The following SHC3 variants were observed in gnomAD, a reference collection of about 807,000 sequenced individuals.
SHC3 encodes SHC adaptor protein 3.
SHC3 carries 15 observed loss-of-function variants against 60.4 expected under a neutral mutation model. The ratio of observed to expected loss-of-function variants is 0.25; its 90% CI spans 0.17 to 0.38. SHC3 has a LOEUF of 0.38. Among genes scored for constraint, SHC3 ranks in the 10% least tolerant of loss-of-function variants. The probability of loss-of-function intolerance (pLI) is 1.00; values close to 1 mark genes in which losing one functional copy is unlikely to be tolerated. For missense variants in SHC3, 677 were observed against 786.1 expected, an observed-to-expected ratio of 0.86 and a Z score of 1.66; for synonymous variants, 294 against 325.9, an observed-to-expected ratio of 0.90 and a Z score of 1.05.
In SHC3 at chr9:89,045,758, G is replaced by T; in HGVS notation, c.1189C>A (p.Pro397Thr). The change falls in exon 9 of 12, where the codon CCT becomes ACT. Residue 397 changes from proline to threonine, a missense_variant. By Grantham distance (38) the Pro-to-Thr change is conservative. Coordinates refer to ENST00000375835, the MANE Select transcript of SHC3 (RefSeq NM_016848.6). The stretch of plus-strand genomic sequence containing the variant: ...CCTTGCCTCTCACCTTGCCTTAAAG[G>T]TGTTTGCTGCCAGTCTTCGCCAAAA... ...DTFGEDWQQT[P>T]LRQGSSDIYS... 6.2e-7 allele frequency: 1 copy of T among 1,614,074 alleles called. No individual in the cohort carries two copies. The highest frequency in any genetic ancestry group is 8.5e-7 in the Non-Finnish European group (1 of 1,180,002).
At chr9:89,072,815 G>A (rs979182163) in intron 4 of SHC3, among the ~76,000 whole-genome samples, 1 of 152,144 alleles carries the variant, frequency 6.6e-6, no homozygotes, top group African/African-American at 2.4e-5. Context: ...GATTTATATA[G>A]CTATAATCAT....
intron 1 of SHC3, among the ~76,000 whole-genome samples, chr9:89,135,270 C>A (rs1023430315): frequency 1.3e-5 from 2 of 152,094 alleles, no homozygotes; most frequent in African/African-American, 4.8e-5. Flanking sequence ...AGTCCCTGTG[C>A]AGGGTTCCTG....
At chr9:89,084,732 G>C (rs150411905) in intron 2 of SHC3, among the ~76,000 whole-genome samples, 1 of 152,312 alleles carries the variant, frequency 6.6e-6, no homozygotes, top group African/African-American at 2.4e-5. Flanking sequence ...ATCAAGGGGA[G>C]AAATCCACAC....
In SHC3 at chr9:89,011,148, T is replaced by C. The variant is rs945643468; in HGVS notation, c.*2299A>G. ...AATATATAATCTGAGCTTAAAAATG[T>C]ATATTTTGAATTAATATTAAAAAGA... On this transcript the variant is annotated 3_prime_UTR_variant, in exon 12 of 12. Transcript: ENST00000375835. The C allele has an allele frequency of 6.6e-6, 1 of 152,238 alleles. No homozygotes were observed. Among genetic ancestry groups the C allele is most frequent in the African/African-American group, 2.4e-5 (1 of 41,470 alleles). 9.4% of individuals were successfully genotyped at this position (152,238 alleles called of 1,614,324 possible). A position where few individuals can be genotyped will look rare whatever the true frequency, so the allele number is the denominator to read the frequency against.
chr9:89,104,112 C>T (rs1342899782), intron 2 of SHC3, among the ~76,000 whole-genome samples: 1 of 152,044 alleles, frequency 6.6e-6, no homozygotes, highest in Non-Finnish European at 1.5e-5. Context: ...AAACCATTCT[C>T]AGTCACCAAG....
At chr9:89,177,809 T>G (rs558592574) in intron 1 of SHC3, among the ~76,000 whole-genome samples, 178 bp downstream of exon 1, 2 of 152,128 alleles carry the variant, frequency 1.3e-5, no homozygotes, top group Non-Finnish European at 2.9e-5. Flanking sequence ...AAAAGCGCAT[T>G]TGTAGTTCCC....
chr9:89,010,961 C>T lies in SHC3; in HGVS notation c.*2486G>A, dbSNP rs896538665. On this transcript the variant is annotated 3_prime_UTR_variant, in exon 12 of 12. Transcript: ENST00000375835. ...TCACTTTCCCCATGTGTCTGTGAGG[C>T]TCACAGGAATGGCCCACCACACAGT... 6.6e-6 allele frequency: 1 copy of T among 152,214 alleles called. No individual in the cohort carries two copies. The highest frequency in any genetic ancestry group is 6.5e-5 in the Admixed American group (1 of 15,286). 9.4% of individuals were successfully genotyped at this position (152,214 alleles called of 1,614,324 possible).
At chr9:89,169,556 A>T (rs775156751) in intron 1 of SHC3, among the ~76,000 whole-genome samples, 18 of 152,158 alleles carry the variant, frequency 1.2e-4, no homozygotes, top group Non-Finnish European at 2.2e-4. Flanking sequence ...CCACTGCGTG[A>T]GGAGGGCCTT....
At chr9:89,059,604 C>CA in intron 6 of SHC3, among the ~76,000 whole-genome samples, 1 of 84,116 alleles carries the variant, frequency 1.2e-5, no homozygotes, top group South Asian at 4.4e-4. Context: ...TGGTGTAGGA[C>CA]GTGGTGCAGG....
chr9:89,137,218 A>G (rs1259882230), intron 1 of SHC3, among the ~76,000 whole-genome samples: 4 of 152,172 alleles, frequency 2.6e-5, no homozygotes, highest in African/African-American at 9.6e-5. Flanking sequence ...AAACCATGTC[A>G]TGGAGATACC....
At chr9:89,097,243 A>G (rs1825718288) in intron 2 of SHC3, among the ~76,000 whole-genome samples, 1 of 152,218 alleles carries the variant, frequency 6.6e-6, no homozygotes, top group South Asian at 2.1e-4. Context: ...TAACTAAATT[A>G]TAGGAAATTA....
chr9:89,155,435 G>A (rs116334200), intron 1 of SHC3, among the ~76,000 whole-genome samples: 35 of 152,252 alleles, frequency 2.3e-4, no homozygotes, highest in African/African-American at 8.4e-4. Context: ...GGTCTTGGGG[G>A]TCTCAGCTCC....
intron 1 of SHC3, among the ~76,000 whole-genome samples, chr9:89,115,958 A>C (rs1047298853): frequency 9.2e-5 from 14 of 152,200 alleles, no homozygotes; most frequent in African/African-American, 3.4e-4. Context: ...ACATTGCAGA[A>C]ATATGTAAAT....
rs898893731 is a variant in SHC3 at position 89,119,544 on chromosome 9, C to T, written c.475-6918G>A. Among the ~76,000 whole-genome samples the T allele has an allele frequency of 1.2e-4, 18 of 151,200 alleles. 1 individual carries two copies. Among genetic ancestry groups the T allele is most frequent in the East Asian group, 3.9e-4 (2 of 5,160 alleles). ...AATATCTTGTTTACAATAGCAAGAA[C>T]GAAAAAACATAAAATGAATTTAATG... is the stretch of plus-strand genomic sequence containing the variant. On this transcript the variant is annotated intron_variant, in intron 1 of 11. Coordinates refer to ENST00000375835, the MANE Select transcript of SHC3 (RefSeq NM_016848.6).
At chr9:89,035,449 T>C (rs776202298) in intron 11 of SHC3, among the ~76,000 whole-genome samples, 2 of 152,104 alleles carry the variant, frequency 1.3e-5, no homozygotes, top group East Asian at 1.9e-4. Flanking sequence ...CACCAGATGT[T>C]AGGAGAGTTC....
At position 89,035,859 on chromosome 9, in the gene SHC3, GTGTGT is replaced by G. The variant is rs1393263895; in HGVS notation, c.1656+2129_1656+2133del. 1.5e-3 allele frequency among the ~76,000 whole-genome samples: 159 copies of G among 106,274 alleles called. 1 individual carries two copies. The highest frequency in any genetic ancestry group is 5.9e-3 in the African/African-American group (149 of 25,252). 69.7% of individuals were successfully genotyped at this position (106,274 alleles called of 152,430 possible). ...TATATATATATATATAGATGTGTGT[GTGTGT>G]GTGTGTGTGTGTGTGTGTGTGTGTG... On this transcript the variant is annotated intron_variant, in intron 11 of 11. Transcript: ENST00000375835.
intron 11 of SHC3, among the ~76,000 whole-genome samples, chr9:89,020,607 A>C (rs576780098): frequency 1.3e-5 from 2 of 152,260 alleles, no homozygotes; most frequent in South Asian, 4.2e-4. Context: ...AGACAGATAA[A>C]TCATCCTTAC....
At chr9:89,058,972 A>G (rs1182232119) in intron 6 of SHC3, among the ~76,000 whole-genome samples, 39 of 124,008 alleles carry the variant, frequency 3.1e-4, no homozygotes, top group Non-Finnish European at 4.6e-4. Context: ...GGAGGACAGT[A>G]GTGAAGGACA....
intron 1 of SHC3, among the ~76,000 whole-genome samples, chr9:89,165,716 C>T (rs1353325339): frequency 6.6e-6 from 1 of 152,052 alleles, no homozygotes; most frequent in Non-Finnish European, 1.5e-5. Context: ...AGTGCAGTGA[C>T]ACATGAACAA....
Sources: allele counts gnomAD v4.1 joint callset (sites outside exome capture counted in the v4.1 genomes callset), GRCh38; gene constraint gnomAD v4.1.1; transcripts MANE v1.5; gene names NCBI Gene and HGNC (gene_info 2026-07-23, HGNC 2026-07-21).